The following LRRTM4 variants were observed in gnomAD, a reference collection of about 807,000 sequenced individuals.
LRRTM4 encodes leucine-rich repeat transmembrane neuronal protein 4.
Under a neutral mutation model 47.6 loss-of-function variants are expected in LRRTM4, and 25 were observed. The observed-to-expected ratio is 0.53, with a 90% confidence interval of 0.38 to 0.73. The LOEUF is 0.73. Ranked by LOEUF, LRRTM4 falls within the 30% of genes least tolerant of loss-of-function variation. LRRTM4 has a pLI of 0.00. For synonymous variants in LRRTM4, 311 were observed against 269.5 expected (o/e 1.15, Z -1.51); for missense variants, 638 against 713.4 (o/e 0.89, Z 1.20).
chr2:76,911,197 A>T (rs1165931206), intron 3 of LRRTM4, among the ~76,000 whole-genome samples: 1 of 152,198 alleles, frequency 6.6e-6, no homozygotes, highest in Non-Finnish European at 1.5e-5. Context: ...ACCGAGTTTG[A>T]AAAGGAAACC....
At chr2:76,840,972 A>G (rs7601178) in intron 3 of LRRTM4, among the ~76,000 whole-genome samples, 68,203 of 145,994 alleles carry the variant, frequency 0.47, 16,275 homozygotes, top group East Asian at 0.73. Flanking sequence ...AGACACATGC[A>G]CACGTATGTT....
intron 3 of LRRTM4, among the ~76,000 whole-genome samples, chr2:76,887,484 TTA>T (rs1430823362): frequency 4.0e-5 from 6 of 150,788 alleles, no homozygotes; most frequent in African/African-American, 9.7e-5. Flanking sequence ...TTTAGTGCCT[TTA>T]TTTTATATTT....
At chr2:77,360,486 C>CGATAG (rs1558706156) in intron 3 of LRRTM4, among the ~76,000 whole-genome samples, 4 of 57,942 alleles carry the variant, frequency 6.9e-5, no homozygotes, top group Non-Finnish European at 1.5e-4. Flanking sequence ...TGATACGATA[C>CGATAG]GATACGATAC....
chr2:76,959,756 T>A (rs1675790792), intron 3 of LRRTM4, among the ~76,000 whole-genome samples: 1 of 151,672 alleles, frequency 6.6e-6, no homozygotes, highest in Admixed American at 6.6e-5. Flanking sequence ...GGGGTGTGAT[T>A]ATAATGGTGA....
At chr2:77,076,961 A>G (rs1243680216) in intron 3 of LRRTM4, among the ~76,000 whole-genome samples, 3 of 152,276 alleles carry the variant, frequency 2.0e-5, no homozygotes, top group East Asian at 3.9e-4. Context: ...GAGGTAAACA[A>G]TAACATCAAC....
chr2:76,844,604 G>A (rs936082917), intron 3 of LRRTM4, among the ~76,000 whole-genome samples: 1 of 152,014 alleles, frequency 6.6e-6, no homozygotes, highest in Non-Finnish European at 1.5e-5. Context: ...TATCAAACAA[G>A]CCAAGAAGCA....
intron 3 of LRRTM4, among the ~76,000 whole-genome samples, chr2:77,270,526 G>A (rs6547139): frequency 0.18 from 27,115 of 152,120 alleles, 4,999 homozygotes; most frequent in African/African-American, 0.47. Flanking sequence ...TATTTTCTAG[G>A]AGAAAATGTC....
At chr2:77,306,256 C>T (rs952810866) in intron 3 of LRRTM4, among the ~76,000 whole-genome samples, 4 of 151,922 alleles carry the variant, frequency 2.6e-5, no homozygotes, top group African/African-American at 7.3e-5. Context: ...TATAAGAAAC[C>T]GAAATAAAAT....
At chr2:76,896,804 TATG>T (rs1453126397) in intron 3 of LRRTM4, among the ~76,000 whole-genome samples, 1 of 149,262 alleles carries the variant, frequency 6.7e-6, no homozygotes, top group Non-Finnish European at 1.5e-5. Flanking sequence ...ATGAGATGTA[TATG>T]ATGTTTCCTT....
At chr2:76,778,749 T>C (rs1558646447) in intron 3 of LRRTM4, among the ~76,000 whole-genome samples, 3 of 151,084 alleles carry the variant, frequency 2.0e-5, no homozygotes, top group Non-Finnish European at 3.0e-5. Context: ...GTTTTTTGTG[T>C]CTCTATTTCC....
Position 77,306,592 on chromosome 2 carries a change from G to C in LRRTM4, c.1551+211726C>G, listed in dbSNP as rs190971892. Reference sequence around the variant, plus strand: ...ATCGCTCTCCTCTTCTTCCTAAAGCGGTTAACCTGAGACCAATTAGTGATA... The same window carrying C: ...ATCGCTCTCCTCTTCTTCCTAAAGCCGTTAACCTGAGACCAATTAGTGATA... On this transcript the variant is annotated intron_variant, in intron 3 of 3. Transcript: ENST00000409884. Among the ~76,000 whole-genome samples the C allele has an allele frequency of 7.9e-5, 12 of 152,140 alleles. 1 individual carries two copies. The South Asian group carries it at 2.5e-3, about 32-fold the overall frequency.
intron 3 of LRRTM4, among the ~76,000 whole-genome samples, chr2:77,480,908 C>T (rs1677677087): frequency 6.8e-6 from 1 of 146,884 alleles, no homozygotes; most frequent in South Asian, 2.2e-4. Context: ...CAAGTTGGAC[C>T]CTACGTCCAA....
intron 3 of LRRTM4, among the ~76,000 whole-genome samples, chr2:76,989,322 A>G (rs186868934): frequency 1.5e-3 from 229 of 151,970 alleles, no homozygotes; most frequent in Non-Finnish European, 2.4e-3. Flanking sequence ...AAAAACATGC[A>G]TTAGTGGTCT....
At chr2:77,012,839 G>A (rs1012260903) in intron 3 of LRRTM4, among the ~76,000 whole-genome samples, 3 of 152,126 alleles carry the variant, frequency 2.0e-5, no homozygotes, top group African/African-American at 4.8e-5. Flanking sequence ...TTAAGCCTAA[G>A]CCACCACGGA....
intron 3 of LRRTM4, among the ~76,000 whole-genome samples, chr2:76,780,097 T>C (rs1674280863): frequency 2.6e-5 from 4 of 152,364 alleles, no homozygotes; most frequent in Middle Eastern, 3.4e-3. Context: ...GCCCCCACTC[T>C]CTTCTGGCTT....
intron 3 of LRRTM4, among the ~76,000 whole-genome samples, chr2:77,303,716 T>G (rs1677200261): frequency 6.6e-6 from 1 of 152,234 alleles, no homozygotes; most frequent in South Asian, 2.1e-4. Context: ...GTATTTATCT[T>G]TCTATGCCTT....
At position 77,129,901 on chromosome 2, in the gene LRRTM4, ATTAG is replaced by A. The variant is rs371968843; in HGVS notation, c.1552-380989_1552-380986del. ...TTAGGAAAAACATAATAGAGGGCTC[ATTAG>A]TTCTTCATATTCAAGAGTGTGTGAG... On this transcript the variant is annotated intron_variant, in intron 3 of 3. Transcript: ENST00000409884. 8.5e-3 allele frequency among the ~76,000 whole-genome samples: 1,298 copies of A among 152,322 alleles called. 15 individuals carry two copies. Among genetic ancestry groups the A allele is most frequent in the Middle Eastern group, 0.041 (12 of 294 alleles).
intron 3 of LRRTM4, among the ~76,000 whole-genome samples, chr2:76,951,449 T>G (rs753853435): frequency 6.6e-6 from 1 of 152,026 alleles, no homozygotes; most frequent in Non-Finnish European, 1.5e-5. Flanking sequence ...TGACAAAATG[T>G]CTTTCTCTAT....
intron 3 of LRRTM4, among the ~76,000 whole-genome samples, chr2:77,479,719 C>A (rs1677581249): frequency 6.6e-6 from 1 of 151,856 alleles, no homozygotes. Flanking sequence ...CTCTCTCTTT[C>A]TCTTCTCTCC....
Sources: gnomAD v4.1 joint callset for allele counts (sites outside exome capture counted in the v4.1 genomes callset) on GRCh38, gnomAD v4.1.1 for gene constraint, MANE v1.5 for transcripts, NCBI Gene and HGNC (gene_info 2026-07-23, HGNC 2026-07-21) for gene names.